The following ESRRG variants were observed in gnomAD, a reference collection of about 807,000 sequenced individuals.
ESRRG encodes the protein estrogen related receptor gamma, also known as estrogen-related receptor gamma.
A neutral mutation model predicts 44.0 loss-of-function variants in ESRRG; 13 were observed. The ratio of observed to expected loss-of-function variants is 0.30; its 90% CI spans 0.19 to 0.47. ESRRG has a LOEUF of 0.47. Ranked by LOEUF, ESRRG falls within the 20% of genes least tolerant of loss-of-function variation. ESRRG has a pLI of 1.00. For synonymous variants in ESRRG, 215 were observed against 214.6 expected, an observed-to-expected ratio of 1.00 and a Z score of -0.02; for missense variants, 395 against 580.6, an observed-to-expected ratio of 0.68 and a Z score of 3.29.
chr1:216,740,402 C>T (rs1282116738), intron 2 of ESRRG, among the ~76,000 whole-genome samples: 2 of 152,050 alleles, frequency 1.3e-5, no homozygotes, highest in Non-Finnish European at 2.9e-5. Context: ...ATTAAATGCC[C>T]TTACACAAGA....
intron 2 of ESRRG, among the ~76,000 whole-genome samples, chr1:216,841,469 A>C (rs2148874289): frequency 6.6e-6 from 1 of 152,314 alleles, no homozygotes; most frequent in Admixed American, 6.5e-5. Context: ...AAACTGTGGA[A>C]GTACATGAAC....
At chr1:216,933,978 G>T (rs566363655) in intron 2 of ESRRG, among the ~76,000 whole-genome samples, 3 of 152,216 alleles carry the variant, frequency 2.0e-5, no homozygotes, top group African/African-American at 7.2e-5. Flanking sequence ...TTCCTTGCCC[G>T]ATTCTGTTAG....
At chr1:216,645,306 A>G (rs2067300428) in intron 3 of ESRRG, among the ~76,000 whole-genome samples, 2 of 152,138 alleles carry the variant, frequency 1.3e-5, no homozygotes, top group African/African-American at 4.8e-5. Flanking sequence ...CAGAGCTCCT[A>G]TGGTAGTTCC....
upstream of ESRRG, among the ~76,000 whole-genome samples, chr1:216,723,957 A>C (rs1202878125): frequency 6.6e-6 from 1 of 152,018 alleles, no homozygotes; most frequent in East Asian, 1.9e-4. Context: ...GCCGCGGCTT[A>C]TTTGGTGCTG....
intron 2 of ESRRG, among the ~76,000 whole-genome samples, chr1:216,912,158 A>AAGAAG (rs2060437096): frequency 2.7e-5 from 1 of 36,810 alleles, no homozygotes; most frequent in South Asian, 9.2e-4. Context: ...AAGAAAAGAA[A>AAGAAG]AGAAAAGAAA....
chr1:216,542,475 C>A (rs566656060), intron 5 of ESRRG, among the ~76,000 whole-genome samples: 4 of 152,066 alleles, frequency 2.6e-5, no homozygotes, highest in Non-Finnish European at 5.9e-5. Flanking sequence ...ACACATATCC[C>A]TGGAATTTCC....
chr1:216,820,301 C>T lies in ESRRG; in HGVS notation c.-14+119281G>A, dbSNP rs74808676. Reference sequence around the variant, plus strand: ...ATGTTTTAAGTTTATTCTTACATTCCCCTTTAAAGACATGAAATAGCTTGA... The same window carrying T: ...ATGTTTTAAGTTTATTCTTACATTCTCCTTTAAAGACATGAAATAGCTTGA... On this transcript the variant is annotated intron_variant, in intron 2 of 7. Transcript: ENST00000359162. Among the ~76,000 whole-genome samples the T allele has an allele frequency of 2.3e-4, 35 of 152,018 alleles. No individual in the cohort carries two copies. The East Asian group carries it at 6.2e-3, about 27-fold the overall frequency.
chr1:216,682,287 A>G (rs968374205), intron 1 of ESRRG, among the ~76,000 whole-genome samples: 12 of 152,182 alleles, frequency 7.9e-5, no homozygotes, highest in African/African-American at 1.9e-4. Flanking sequence ...AACTTTTACT[A>G]TATCTATACC....
chr1:217,043,984 A>T (rs1339212), intron 1 of ESRRG, among the ~76,000 whole-genome samples: 114,766 of 151,826 alleles, frequency 0.76, 44,003 homozygotes, highest in Non-Finnish European at 0.82. Flanking sequence ...TTAGAAAAGA[A>T]ACCGATAGGA....
At chr1:216,722,478 A>G (rs1448083524) in intron 1 of ESRRG, among the ~76,000 whole-genome samples, 3 of 149,364 alleles carry the variant, frequency 2.0e-5, no homozygotes, top group Admixed American at 6.7e-5. Flanking sequence ...TACTAATTAA[A>G]CTGCTTGTAA....
chr1:216,676,402 G>T (rs1553486393), intron 2 of ESRRG, among the ~76,000 whole-genome samples: 16 of 151,748 alleles, frequency 1.1e-4, no homozygotes, highest in South Asian at 2.1e-4. Context: ...AATTTGGAAG[G>T]TTTTTTTTAA....
Position 216,740,694 on chromosome 1 carries a change from G to A in ESRRG, c.-13-63203C>T, listed in dbSNP as rs193089700. On this transcript the variant is annotated intron_variant, in intron 2 of 7. Transcript: ENST00000359162. ...TTGTAACCCTGCCTTAGATGCTTGT[G>A]GAGAAATAATGCTTTCTACACACCT... Among the ~76,000 whole-genome samples the A allele has an allele frequency of 2.7e-3, 412 of 151,866 alleles. 1 individual carries two copies. The highest frequency in any genetic ancestry group is 6.6e-3 in the Admixed American group (101 of 15,246).
chr1:216,916,040 G>A (rs1009007316), intron 2 of ESRRG, among the ~76,000 whole-genome samples: 21 of 152,154 alleles, frequency 1.4e-4, no homozygotes, highest in African/African-American at 5.1e-4. Flanking sequence ...CACTGTGTGT[G>A]TGTGTGTACA....
intron 1 of ESRRG, among the ~76,000 whole-genome samples, chr1:217,113,993 T>G (rs956168675): frequency 6.6e-6 from 1 of 151,466 alleles, no homozygotes; most frequent in African/African-American, 2.4e-5. Context: ...AGTTAGACCA[T>G]GTTTCTAAAA....
At chr1:217,054,615 G>A (rs1456208178) in intron 1 of ESRRG, among the ~76,000 whole-genome samples, 1 of 152,098 alleles carries the variant, frequency 6.6e-6, no homozygotes, top group Non-Finnish European at 1.5e-5. Context: ...CCAGTTCCTG[G>A]GACTAGATCT....
chr1:217,134,705 TGTTTGGCGCGGCTAC>T (rs2093024230), intron 1 of ESRRG, among the ~76,000 whole-genome samples: 1 of 152,070 alleles, frequency 6.6e-6, no homozygotes, highest in South Asian at 2.1e-4. Context: ...CTTCCCCGCG[TGTTTGGCGCGGCTAC>T]GTTTCTCTTG....
intron 2 of ESRRG, among the ~76,000 whole-genome samples, chr1:216,903,303 T>C (rs2059300327): frequency 6.6e-6 from 1 of 152,098 alleles, no homozygotes; most frequent in African/African-American, 2.4e-5. Flanking sequence ...TTTTGAAAGA[T>C]CATGACTCTT....
intron 1 of ESRRG, among the ~76,000 whole-genome samples, chr1:216,951,999 TC>T (rs2067047402): frequency 6.6e-6 from 1 of 152,072 alleles, no homozygotes; most frequent in Non-Finnish European, 1.5e-5. Flanking sequence ...TTTGGCCACT[TC>T]TTACCATAAA....
intron 1 of ESRRG, among the ~76,000 whole-genome samples, chr1:216,709,448 G>T (rs922608151): frequency 1.3e-5 from 2 of 151,296 alleles, no homozygotes; most frequent in Non-Finnish European, 2.9e-5. Flanking sequence ...CAAAATACAT[G>T]TTATTCTGAA....
Sources: gnomAD v4.1 joint callset for allele counts (sites outside exome capture counted in the v4.1 genomes callset) on GRCh38, gnomAD v4.1.1 for gene constraint, MANE v1.5 for transcripts, NCBI Gene and HGNC (gene_info 2026-07-23, HGNC 2026-07-21) for gene names.